The following SPOCK1 variants were observed in gnomAD, a reference collection of about 807,000 sequenced individuals.
SPOCK1 encodes SPARC (osteonectin), cwcv and kazal like domains proteoglycan 1.
In SPOCK1, 23 loss-of-function variants were observed where a neutral mutation model predicts 55.3. The observed-to-expected ratio is 0.42, with a 90% CI of 0.30 to 0.59. SPOCK1 has a LOEUF of 0.59. Among genes scored for constraint, SPOCK1 ranks in the 20% least tolerant of loss-of-function variants. The probability of loss-of-function intolerance (pLI) is 0.22; values close to 1 mark genes in which losing one functional copy is unlikely to be tolerated. For synonymous variants in SPOCK1, 226 were observed against 221.0 expected, an observed-to-expected ratio of 1.02 and a Z score of -0.20; for missense variants, 499 against 552.5, an observed-to-expected ratio of 0.90 and a Z score of 0.97.
At chr5:136,985,259 G>T in intron 8 of SPOCK1, 57 bp from the exon 9 acceptor site, 2 of 1,467,222 alleles carry the variant, frequency 1.4e-6, no homozygotes, top group South Asian at 2.3e-5. Flanking sequence ...AATCGCTAAT[G>T]ATTGACTTCA....
At chr5:137,305,730 T>C (rs1166491222) in intron 2 of SPOCK1, among the ~76,000 whole-genome samples, 1 of 152,146 alleles carries the variant, frequency 6.6e-6, no homozygotes, top group African/African-American at 2.4e-5. Context: ...CAACTCCAGT[T>C]CCTCCGTGCA....
At chr5:137,364,680 C>A (rs561358796) in intron 2 of SPOCK1, among the ~76,000 whole-genome samples, 2 of 152,174 alleles carry the variant, frequency 1.3e-5, no homozygotes, top group Non-Finnish European at 1.5e-5. Flanking sequence ...AACCTGCCCC[C>A]CCGAGCCTAT....
chr5:137,175,360 G>C (rs924227091), intron 3 of SPOCK1, among the ~76,000 whole-genome samples: 3 of 152,176 alleles, frequency 2.0e-5, no homozygotes, highest in African/African-American at 4.8e-5. Context: ...GATATGATTA[G>C]AGCTGATTCA....
intron 3 of SPOCK1, among the ~76,000 whole-genome samples, chr5:137,248,190 G>C (rs1179103473): frequency 6.6e-6 from 1 of 152,134 alleles, no homozygotes; most frequent in Non-Finnish European, 1.5e-5. Flanking sequence ...AGGAAATATA[G>C]AGAAGAATAT....
intron 3 of SPOCK1, among the ~76,000 whole-genome samples, chr5:137,262,556 G>A (rs1029291084): frequency 6.6e-5 from 10 of 152,234 alleles, no homozygotes; most frequent in Non-Finnish European, 1.2e-4. Context: ...CCCAAGAGAC[G>A]TCTTCCTTAG....
intron 2 of SPOCK1, among the ~76,000 whole-genome samples, chr5:137,459,573 C>T (rs1753437568): frequency 1.3e-5 from 2 of 151,816 alleles, no homozygotes; most frequent in African/African-American, 2.4e-5. Context: ...AGCAATGCTA[C>T]TCCATCTTTC....
chr5:137,098,846 G>T (rs1204266268), intron 5 of SPOCK1, among the ~76,000 whole-genome samples: 1 of 152,122 alleles, frequency 6.6e-6, no homozygotes, highest in Non-Finnish European at 1.5e-5. Context: ...AATGCCACCG[G>T]GTCCACAGGC....
intron 6 of SPOCK1, among the ~76,000 whole-genome samples, chr5:137,059,625 T>C (rs560492895): frequency 3.3e-5 from 5 of 152,328 alleles, no homozygotes; most frequent in African/African-American, 7.2e-5. Context: ...AAAGAGCTTC[T>C]GCATAGCAAA....
chr5:136,992,536 G>C lies in SPOCK1; in HGVS notation c.654C>G (p.His218Gln), dbSNP rs199775344. The change falls in exon 7 of 11, where the codon CAC becomes CAG. Residue 218 changes from histidine to glutamine, a missense_variant. Coordinates refer to ENST00000394945, the MANE Select transcript of SPOCK1 (RefSeq NM_004598.4). ...SRLKDWFGAL[H>Q]EDANRVIKPT... ...GCTTGATGACTCTGTTCGCATCCTC[G>C]TGGAGAGCTCCAAACCAATCCTTCA... The C allele has an allele frequency of 3.7e-6, 6 of 1,613,844 alleles. No individual in the cohort carries two copies. The highest frequency in any genetic ancestry group is 2.2e-5 in the South Asian group (2 of 91,046).
At chr5:137,236,439 T>C (rs1756183180) in intron 3 of SPOCK1, among the ~76,000 whole-genome samples, 1 of 152,220 alleles carries the variant, frequency 6.6e-6, no homozygotes, top group Non-Finnish European at 1.5e-5. Flanking sequence ...GAACACATGT[T>C]ATTGTTTAAC....
intron 3 of SPOCK1, among the ~76,000 whole-genome samples, chr5:137,263,649 T>A (rs1403315260): frequency 6.6e-6 from 1 of 152,236 alleles, no homozygotes; most frequent in Non-Finnish European, 1.5e-5. Flanking sequence ...AAGCGAAATT[T>A]CTCACCTGAG....
At chr5:137,155,750 A>G (rs1353914548) in intron 3 of SPOCK1, among the ~76,000 whole-genome samples, 1 of 152,240 alleles carries the variant, frequency 6.6e-6, no homozygotes, top group Non-Finnish European at 1.5e-5. Context: ...TAAATGGGCA[A>G]CAAATCTCCC....
At chr5:137,326,603 G>T (rs776741932) in intron 2 of SPOCK1, among the ~76,000 whole-genome samples, 11 of 152,234 alleles carry the variant, frequency 7.2e-5, no homozygotes, top group Non-Finnish European at 1.2e-4. Flanking sequence ...GCTGAAGGAA[G>T]TTACTGTCAG....
chr5:137,187,089 C>T (rs1314657730), intron 3 of SPOCK1, among the ~76,000 whole-genome samples: 4 of 152,188 alleles, frequency 2.6e-5, no homozygotes, highest in East Asian at 1.9e-4. Flanking sequence ...ATTCCTTATG[C>T]TTTGCTGTTC....
At chr5:137,181,242 G>A (rs898325989) in intron 3 of SPOCK1, among the ~76,000 whole-genome samples, 1 of 152,230 alleles carries the variant, frequency 6.6e-6, no homozygotes, top group Non-Finnish European at 1.5e-5. Context: ...GGAGAGGAAG[G>A]TGGAGGGGTG....
chr5:137,486,994 T>A (rs369895400), intron 2 of SPOCK1, among the ~76,000 whole-genome samples: 15 of 152,210 alleles, frequency 9.9e-5, no homozygotes, highest in African/African-American at 3.6e-4. Context: ...CAGGGAATCA[T>A]CATGTCCAAT....
At chr5:137,042,650 AT>A (rs1448297499) in intron 6 of SPOCK1, among the ~76,000 whole-genome samples, 1 of 152,106 alleles carries the variant, frequency 6.6e-6, no homozygotes, top group Non-Finnish European at 1.5e-5. Context: ...GAGGCTAATA[AT>A]TTTGATACTG....
intron 3 of SPOCK1, among the ~76,000 whole-genome samples, chr5:137,250,661 A>C (rs890262727): frequency 2.7e-5 from 4 of 149,972 alleles, no homozygotes; most frequent in African/African-American, 5.1e-5. Context: ...GAGAGCCTCA[A>C]GAGGACACAC....
At position 136,976,568 on chromosome 5, in the gene SPOCK1, T is replaced by A. The variant is rs1258200903; in HGVS notation, c.*2086A>T. ...GTAACAATGGTTTTCTTTGATGATC[T>A]AAAGTGAGATTTTACAATGTCGTGA... On this transcript the variant is annotated 3_prime_UTR_variant, in exon 11 of 11. Coordinates refer to ENST00000394945, the MANE Select transcript of SPOCK1 (RefSeq NM_004598.4). 6.5e-6 allele frequency: 1 copy of A among 152,688 alleles called. No homozygotes were observed. Among genetic ancestry groups the A allele is most frequent in the Non-Finnish European group, 1.5e-5 (1 of 68,046 alleles). The allele number at this position is 152,688 out of a possible 1,614,324, so 9.5% of individuals were successfully genotyped here.
Sources: gnomAD v4.1 joint callset for allele counts (sites outside exome capture counted in the v4.1 genomes callset) on GRCh38, gnomAD v4.1.1 for gene constraint, MANE v1.5 for transcripts, NCBI Gene and HGNC (gene_info 2026-07-23, HGNC 2026-07-21) for gene names.